RMI1: variants seen among roughly 807,000 people sequenced by gnomAD.
RMI1 encodes the protein RecQ mediated genome instability 1.
A neutral mutation model predicts 46.7 loss-of-function variants in RMI1; 36 were observed. That is an observed-to-expected ratio of 0.77 (90% CI 0.59 to 1.02). The LOEUF (loss-of-function observed/expected upper bound fraction) is 1.02. RMI1 is among the 50% of genes least tolerant of loss of function. The pLI, the probability that RMI1 is intolerant of heterozygous loss-of-function variation, is 0.00. For synonymous variants in RMI1, 250 were observed against 252.9 expected, an observed-to-expected ratio of 0.99 and a Z score of 0.11; for missense variants, 676 against 713.7, an observed-to-expected ratio of 0.95 and a Z score of 0.60.
chr9:83,999,214 A>T (rs1361797512), intron 1 of RMI1, among the ~76,000 whole-genome samples: 1 of 152,050 alleles, frequency 6.6e-6, no homozygotes, highest in Non-Finnish European at 1.5e-5. Flanking sequence ...AACAATAAGT[A>T]TAGTTTTTGA....
chr9:83,989,294 G>GT (rs1267023809), intron 1 of RMI1, among the ~76,000 whole-genome samples: 1 of 152,094 alleles, frequency 6.6e-6, no homozygotes, highest in Non-Finnish European at 1.5e-5. Context: ...TTTTTTTGAG[G>GT]TAAAAACTTA....
intron 1 of RMI1, among the ~76,000 whole-genome samples, chr9:83,986,033 A>G (rs1957485658): frequency 6.6e-6 from 1 of 152,134 alleles, no homozygotes; most frequent in African/African-American, 2.4e-5. Context: ...AATAGCATAT[A>G]CCAGGAAGAG....
intron 1 of RMI1, among the ~76,000 whole-genome samples, chr9:83,987,807 T>C (rs185544408): frequency 6.6e-6 from 1 of 152,342 alleles, no homozygotes; most frequent in Admixed American, 6.5e-5. Context: ...TGTCCATAAT[T>C]TATTTTTATT....
Position 84,001,559 on chromosome 9 carries a change from A to T in RMI1, c.573A>T (p.Gly191=). Residue 191 remains glycine, a synonymous_variant, in exon 3 of 3, where the codon GGA becomes GGT. Coordinates refer to ENST00000445877, the MANE Select transcript of RMI1 (RefSeq NM_001358291.2). ...AACCAGAAAACGTGAAAGTGTTAGGAGGTGAAGTAGATGCTCTTTTAGAAG... is the reference window on the plus strand; with the variant it reads ...AACCAGAAAACGTGAAAGTGTTAGGTGGTGAAGTAGATGCTCTTTTAGAAG... ...LLKPENVKVL[G]GEVDALLEEY... 6.2e-7 allele frequency: 1 copy of T among 1,613,900 alleles called. No homozygotes were observed. Among genetic ancestry groups the T allele is most frequent in the South Asian group, 1.1e-5 (1 of 91,080 alleles).
intron 1 of RMI1, among the ~76,000 whole-genome samples, chr9:83,989,087 G>A (rs914313207): frequency 2.6e-5 from 4 of 152,064 alleles, no homozygotes; most frequent in Non-Finnish European, 5.9e-5. Context: ...TTTATTTCCT[G>A]GGCTCAAGTG....
At chr9:83,994,593 G>T (rs537871731) in intron 1 of RMI1, among the ~76,000 whole-genome samples, 1 of 152,228 alleles carries the variant, frequency 6.6e-6, no homozygotes, top group Admixed American at 6.5e-5. Flanking sequence ...CATTGTCAAA[G>T]ATTGACCAGA....
chr9:83,990,606 G>A (rs1413155120), intron 1 of RMI1, among the ~76,000 whole-genome samples: 3 of 151,764 alleles, frequency 2.0e-5, no homozygotes, highest in African/African-American at 7.3e-5. Flanking sequence ...AAATAGAAGA[G>A]AAGGTTTGGA....
chr9:83,997,142 G>A (rs1396422690), intron 1 of RMI1, among the ~76,000 whole-genome samples: 7 of 115,302 alleles, frequency 6.1e-5, no homozygotes, highest in South Asian at 2.8e-4. Flanking sequence ...ATAGGGTTTC[G>A]CTCTTGTTGC....
At chr9:84,000,213 A>G (rs961265205) in intron 2 of RMI1, among the ~76,000 whole-genome samples, 1 of 152,226 alleles carries the variant, frequency 6.6e-6, no homozygotes, top group Non-Finnish European at 1.5e-5. Flanking sequence ...TAGATCAATT[A>G]TAATATATTA....
chr9:83,984,635 C>T (rs959021237), intron 1 of RMI1, among the ~76,000 whole-genome samples: 2 of 152,078 alleles, frequency 1.3e-5, no homozygotes, highest in African/African-American at 4.8e-5. Context: ...AATCTCGGCT[C>T]ACTGCAACCT....
intron 1 of RMI1, among the ~76,000 whole-genome samples, chr9:83,982,249 C>T (rs1190313988): frequency 3.3e-5 from 5 of 152,154 alleles, no homozygotes; most frequent in Non-Finnish European, 7.3e-5. Flanking sequence ...CACTAATATG[C>T]ACAAATAGCG....
At position 84,001,262 on chromosome 9, in the gene RMI1, G is replaced by T. The variant is rs759040710; in HGVS notation, c.276G>T (p.Leu92Phe). 1 of 1,614,054 alleles carries T rather than the reference G, an allele frequency of 6.2e-7. No homozygotes were observed. The highest frequency in any genetic ancestry group is 1.6e-4 in the Middle Eastern group (1 of 6,062). The change falls in exon 3 of 3, where the codon TTG (leucine) becomes TTT (phenylalanine). Residue 92 changes from leucine (L) to phenylalanine (F), a missense_variant. Leu to Phe is a conservative substitution (Grantham distance 22, BLOSUM62 0). Transcript: ENST00000445877. ...TTTATGCTCTGCAGATTAATTCCTT[G>T]GTTGATGTAAGTCAGCCTGCATACT... Reference protein sequence around the residue: ...NGFYALQINSLVDVSQPAYSQ... With the variant: ...NGFYALQINSFVDVSQPAYSQ...
chr9:83,990,710 A>G (rs1458153153), intron 1 of RMI1, among the ~76,000 whole-genome samples: 1 of 152,212 alleles, frequency 6.6e-6, no homozygotes, highest in Non-Finnish European at 1.5e-5. Flanking sequence ...ATGTATCGGA[A>G]TATCATGTGT....
chr9:83,981,277 G>A (rs1456701348), intron 1 of RMI1, among the ~76,000 whole-genome samples: 1 of 152,252 alleles, frequency 6.6e-6, no homozygotes, highest in African/African-American at 2.4e-5. Context: ...GAAGTATTTT[G>A]TAGTGTCGTC....
At chr9:83,993,386 CCTT>C (rs1402903763) in intron 1 of RMI1, among the ~76,000 whole-genome samples, 2 of 152,062 alleles carry the variant, frequency 1.3e-5, no homozygotes, top group Non-Finnish European at 2.9e-5. Flanking sequence ...TTTTGTGTAT[CCTT>C]CTATCAGTGG....
In RMI1 at chr9:83,999,738, T is replaced by G. The variant is rs918814672; in HGVS notation, c.-96T>G. 1.1e-4 allele frequency: 17 copies of G among 152,240 alleles called. No homozygotes were observed. Among genetic ancestry groups the G allele is most frequent in the African/African-American group, 4.1e-4 (17 of 41,464 alleles). The allele number at this position is 152,240 out of a possible 1,614,324, so 9.4% of individuals were successfully genotyped here. On this transcript the variant is annotated 5_prime_UTR_variant, in exon 2 of 3. It removes the in-frame stop codon of an upstream open reading frame in the 5' UTR. Coordinates refer to ENST00000445877, the MANE Select transcript of RMI1 (RefSeq NM_001358291.2). Reference sequence around the variant, plus strand: ...ATTTCTGAGCAGTGGAGGTTTCAAGTAATCCACTAACAACCAGTTCCAAAT... The same window carrying G: ...ATTTCTGAGCAGTGGAGGTTTCAAGGAATCCACTAACAACCAGTTCCAAAT...
At chr9:83,991,484 T>C (rs892742744) in intron 1 of RMI1, among the ~76,000 whole-genome samples, 2 of 152,194 alleles carry the variant, frequency 1.3e-5, no homozygotes, top group South Asian at 2.1e-4. Flanking sequence ...CCCCAGTTTG[T>C]TTTAAAAATT....
At chr9:83,995,966 G>A (rs895525092) in intron 1 of RMI1, among the ~76,000 whole-genome samples, 30 of 151,602 alleles carry the variant, frequency 2.0e-4, no homozygotes, top group African/African-American at 6.8e-4. Context: ...TGCTCAAAGA[G>A]ATAAAAAAAA....
Position 84,002,975 on chromosome 9 carries a change from G to T in RMI1, c.*111G>T. On this transcript the variant is annotated 3_prime_UTR_variant, in exon 3 of 3. Coordinates refer to ENST00000445877, the MANE Select transcript of RMI1 (RefSeq NM_001358291.2). Reference sequence around the variant, plus strand: ...TAAAAAGGAAAAATGAAATTTCATAGCTTATTTCAGTTTAATTTTAAAGTG... The same window carrying T: ...TAAAAAGGAAAAATGAAATTTCATATCTTATTTCAGTTTAATTTTAAAGTG... The T allele has an allele frequency of 4.9e-6, 3 of 617,148 alleles. No homozygotes were observed. The highest frequency in any genetic ancestry group is 3.1e-5 in the South Asian group (1 of 32,388). The allele number at this position is 617,148 out of a possible 1,614,324, so 38.2% of individuals were successfully genotyped here.
Sources: gnomAD v4.1 joint callset for allele counts (sites outside exome capture counted in the v4.1 genomes callset) on GRCh38, gnomAD v4.1.1 for gene constraint, MANE v1.5 for transcripts, NCBI Gene and HGNC (gene_info 2026-07-23, HGNC 2026-07-21) for gene names.